The following RANBP2 variants were observed in gnomAD, a reference collection of about 807,000 sequenced individuals.
RANBP2 encodes RAN binding protein 2, also known as E3 SUMO-protein ligase RanBP2.
Under a neutral mutation model 303.6 loss-of-function variants are expected in RANBP2, and 57 were observed. The ratio of observed to expected loss-of-function variants is 0.19; its 90% CI spans 0.15 to 0.23. RANBP2 has a LOEUF of 0.23. RANBP2 is among the 10% of genes least tolerant of loss of function. The probability of loss-of-function intolerance (pLI) is 1.00; values close to 1 mark genes in which losing one functional copy is unlikely to be tolerated. For synonymous variants in RANBP2, 1,167 were observed against 1,301.5 expected, an observed-to-expected ratio of 0.90 and a Z score of 2.23; for missense variants, 3,138 against 3,780.8, an observed-to-expected ratio of 0.83 and a Z score of 4.46.
the RANBP2 span, among the ~76,000 whole-genome samples, chr2:109,081,432 T>G: frequency 2.8e-4 from 42 of 152,030 alleles, no homozygotes; most frequent in Non-Finnish European, 5.1e-4. Flanking sequence ...ACAACAGTGC[T>G]TCTGGCCTGT....
chr2:109,118,817 T>C, the RANBP2 span, among the ~76,000 whole-genome samples: 32 of 152,132 alleles, frequency 2.1e-4, no homozygotes, highest in Non-Finnish European at 3.4e-4. Context: ...GACACATGCC[T>C]GGTATGTGGA....
At chr2:108,878,572 A>G in the RANBP2 span, 1 of 191,542 alleles carries the variant, frequency 5.2e-6, no homozygotes, top group South Asian at 1.1e-4. Context: ...GATATGTTTT[A>G]TCGGGAAAAT....
the RANBP2 span, among the ~76,000 whole-genome samples, chr2:108,828,627 A>G: frequency 1.3e-5 from 2 of 152,206 alleles, no homozygotes; most frequent in Admixed American, 6.5e-5. Context: ...AATGGTGTTG[A>G]AAAACTGGAT....
the RANBP2 span, among the ~76,000 whole-genome samples, chr2:109,082,912 G>A: frequency 1.4e-5 from 2 of 146,794 alleles, no homozygotes; most frequent in African/African-American, 5.0e-5. Flanking sequence ...TGCAAGCTCC[G>A]CCTCCTGGGT....
chr2:109,647,155 C>CTTT, the RANBP2 span, among the ~76,000 whole-genome samples: 783 of 71,512 alleles, frequency 0.011, 113 homozygotes, highest in East Asian at 0.11. Context: ...GCTCTCCTCA[C>CTTT]TTTTTTTTTT....
the RANBP2 span, among the ~76,000 whole-genome samples, chr2:109,121,416 C>T: frequency 0.95 from 145,233 of 152,286 alleles, 69,593 homozygotes; most frequent in Non-Finnish European, 1. Context: ...ATATTTACAC[C>T]GCAATTACCT....
the RANBP2 span, among the ~76,000 whole-genome samples, chr2:109,071,556 C>A: frequency 6.6e-6 from 1 of 152,078 alleles, no homozygotes; most frequent in African/African-American, 2.4e-5. Flanking sequence ...CACCTGTAAT[C>A]CCAGCTACTC....
At chr2:109,224,469 T>A in the RANBP2 span, among the ~76,000 whole-genome samples, 5 of 152,308 alleles carry the variant, frequency 3.3e-5, no homozygotes, top group South Asian at 1.0e-3. Flanking sequence ...GTGATGGAAA[T>A]GTCCTGTGTC....
the RANBP2 span, chr2:109,437,188 G>C: frequency 6.4e-7 from 1 of 1,562,258 alleles, no homozygotes; most frequent in Non-Finnish European, 8.7e-7. Context: ...ATCAACAAGG[G>C]GGCTTCCTGG....
chr2:108,816,365 C>T, the RANBP2 span, among the ~76,000 whole-genome samples: 2 of 152,084 alleles, frequency 1.3e-5, no homozygotes, highest in African/African-American at 4.8e-5. Context: ...GCAGGAGAAA[C>T]GCTTGAATCT....
chr2:108,945,646 T>A, the RANBP2 span, among the ~76,000 whole-genome samples: 1 of 152,174 alleles, frequency 6.6e-6, no homozygotes, highest in African/African-American at 2.4e-5. Context: ...AAATTTGAGA[T>A]CTATTTATTT....
chr2:109,429,847 A>G, the RANBP2 span, among the ~76,000 whole-genome samples: 1 of 152,174 alleles, frequency 6.6e-6, no homozygotes, highest in Non-Finnish European at 1.5e-5. Context: ...TAGGGGTTCC[A>G]TGCTCCCAGG....
At chr2:109,209,344 G>A in the RANBP2 span, among the ~76,000 whole-genome samples, 1 of 152,246 alleles carries the variant, frequency 6.6e-6, no homozygotes, top group Non-Finnish European at 1.5e-5. Context: ...TGGTGTGCTG[G>A]CAAACGTTTA....
chr2:109,439,409 T>C, the RANBP2 span, among the ~76,000 whole-genome samples: 1 of 152,142 alleles, frequency 6.6e-6, no homozygotes, highest in Non-Finnish European at 1.5e-5. Flanking sequence ...CATTTTCCAC[T>C]TCATTCTGCA....
chr2:109,605,634 T>C, the RANBP2 span: 8 of 152,330 alleles, frequency 5.3e-5, no homozygotes, highest in South Asian at 2.1e-4. Context: ...TGTATAATTT[T>C]TGTAATCAAC....
the RANBP2 span, among the ~76,000 whole-genome samples, chr2:109,306,643 C>G: frequency 6.6e-6 from 1 of 152,216 alleles, no homozygotes; most frequent in Non-Finnish European, 1.5e-5. Flanking sequence ...TGATTTCATG[C>G]TGTTAGCAGT....
the RANBP2 span, among the ~76,000 whole-genome samples, chr2:109,560,556 T>C: frequency 6.6e-6 from 1 of 152,192 alleles, no homozygotes; most frequent in Non-Finnish European, 1.5e-5. Flanking sequence ...TAAATACCCA[T>C]GACTCTTAAG....
the RANBP2 span, among the ~76,000 whole-genome samples, chr2:109,142,267 A>G: frequency 6.6e-6 from 1 of 152,052 alleles, no homozygotes; most frequent in Non-Finnish European, 1.5e-5. Flanking sequence ...CCCCACCCAC[A>G]TCCCTTCCAT....
At chr2:109,064,433 G>A in the RANBP2 span, among the ~76,000 whole-genome samples, 3 of 115,276 alleles carry the variant, frequency 2.6e-5, no homozygotes, top group Non-Finnish European at 4.9e-5. Flanking sequence ...TCCAGCCTGG[G>A]TGACAGAGCA....
Sources: allele counts gnomAD v4.1 joint callset (sites outside exome capture counted in the v4.1 genomes callset), GRCh38; gene constraint gnomAD v4.1.1; transcripts MANE v1.5; gene names NCBI Gene and HGNC (gene_info 2026-07-23, HGNC 2026-07-21).